The following TMCC1 variants were observed in gnomAD, a reference collection of about 807,000 sequenced individuals.
The protein encoded by TMCC1 is transmembrane and coiled-coil domain family 1.
TMCC1 carries 15 observed loss-of-function variants against 52.4 expected under a neutral mutation model. That is an observed-to-expected ratio of 0.29 (90% CI 0.19 to 0.44). The LOEUF is 0.44. TMCC1 is among the 20% of genes least tolerant of loss of function. The probability of loss-of-function intolerance (pLI) is 1.00; values close to 1 mark genes in which losing one functional copy is unlikely to be tolerated. For missense variants in TMCC1, 503 were observed against 806.0 expected, an observed-to-expected ratio of 0.62 and a Z score of 4.55; for synonymous variants, 279 against 301.9, an observed-to-expected ratio of 0.92 and a Z score of 0.79.
At chr3:129,875,610 T>C (rs1044256404) in intron 2 of TMCC1, among the ~76,000 whole-genome samples, 1 of 149,024 alleles carries the variant, frequency 6.7e-6, no homozygotes, top group African/African-American at 2.5e-5. Context: ...CACTAAAACA[T>C]AAACTCCATT....
At chr3:129,781,108 G>A (rs527349058) in intron 4 of TMCC1, among the ~76,000 whole-genome samples, 7 of 152,092 alleles carry the variant, frequency 4.6e-5, no homozygotes, top group Admixed American at 3.9e-4. Flanking sequence ...TACACCATGG[G>A]TTTTCTTCTA....
At chr3:129,875,694 TA>T (rs1305027413) in intron 2 of TMCC1, among the ~76,000 whole-genome samples, 79 of 152,114 alleles carry the variant, frequency 5.2e-4, no homozygotes, top group Non-Finnish European at 2.8e-4. Flanking sequence ...AAGCAATACA[TA>T]TTTTTTTTAA....
At chr3:129,716,272 C>T (rs535431377) in intron 4 of TMCC1, among the ~76,000 whole-genome samples, 1 of 149,640 alleles carries the variant, frequency 6.7e-6, no homozygotes, top group East Asian at 2.0e-4. Flanking sequence ...AAGCGAGTCT[C>T]CTGCCTCAGC....
intron 4 of TMCC1, among the ~76,000 whole-genome samples, chr3:129,702,041 G>A (rs1365847184): frequency 6.6e-6 from 1 of 152,096 alleles, no homozygotes; most frequent in Non-Finnish European, 1.5e-5. Flanking sequence ...AAATAGTATA[G>A]AATAGTGGTC....
At chr3:129,752,076 C>T (rs2052577981) in intron 4 of TMCC1, among the ~76,000 whole-genome samples, 1 of 152,178 alleles carries the variant, frequency 6.6e-6, no homozygotes, top group East Asian at 1.9e-4. Flanking sequence ...AATGCTTATA[C>T]TATGAAAGGA....
At chr3:129,793,693 T>C (rs990306608) in intron 4 of TMCC1, among the ~76,000 whole-genome samples, 2 of 152,324 alleles carry the variant, frequency 1.3e-5, no homozygotes, top group Non-Finnish European at 1.5e-5. Context: ...TTCACCTTTT[T>C]ACTATTTTAA....
chr3:129,789,920 T>TA (rs1221073258), intron 4 of TMCC1, among the ~76,000 whole-genome samples: 3 of 152,090 alleles, frequency 2.0e-5, no homozygotes, highest in Admixed American at 2.0e-4. Flanking sequence ...ATAATTTCAA[T>TA]AAAATCAACA....
intron 2 of TMCC1, among the ~76,000 whole-genome samples, chr3:129,842,711 T>C (rs1008519030): frequency 3.9e-5 from 6 of 152,096 alleles, no homozygotes; most frequent in Non-Finnish European, 5.9e-5. Flanking sequence ...CAGACCATAA[T>C]AGAATAAAAC....
chr3:129,659,846 T>A (rs527430368), intron 5 of TMCC1, among the ~76,000 whole-genome samples: 1 of 152,160 alleles, frequency 6.6e-6, no homozygotes, highest in Admixed American at 6.5e-5. Flanking sequence ...AAATCCCAGC[T>A]CTGCAACTCG....
chr3:129,885,635 A>G (rs150789881), intron 1 of TMCC1, among the ~76,000 whole-genome samples: 2,718 of 152,308 alleles, frequency 0.018, 37 homozygotes, highest in Non-Finnish European at 0.021. Flanking sequence ...ATTATAGTTC[A>G]AACCTGAGGG....
At chr3:129,870,361 T>C (rs1435931276) in intron 2 of TMCC1, among the ~76,000 whole-genome samples, 1 of 152,180 alleles carries the variant, frequency 6.6e-6, no homozygotes, top group Non-Finnish European at 1.5e-5. Context: ...TTACAACTTC[T>C]GAATATATTT....
chr3:129,681,922 T>G (rs2089025682), intron 4 of TMCC1, among the ~76,000 whole-genome samples: 1 of 150,480 alleles, frequency 6.6e-6, no homozygotes, highest in Non-Finnish European at 1.5e-5. Flanking sequence ...AAAAAAAAAT[T>G]TTTAATTAAA....
At chr3:129,740,996 C>G (rs1043906853) in intron 4 of TMCC1, among the ~76,000 whole-genome samples, 2 of 152,126 alleles carry the variant, frequency 1.3e-5, no homozygotes, top group African/African-American at 4.8e-5. Flanking sequence ...GGACTCATTG[C>G]CCCTTTGGAA....
intron 4 of TMCC1, among the ~76,000 whole-genome samples, chr3:129,821,060 GT>G (rs1181039594): frequency 6.6e-6 from 1 of 152,074 alleles, no homozygotes; most frequent in Non-Finnish European, 1.5e-5. Flanking sequence ...AACTGTTCAA[GT>G]TTTTTTCTTA....
chr3:129,678,478 A>G (rs1210473674), intron 4 of TMCC1, among the ~76,000 whole-genome samples: 1 of 146,506 alleles, frequency 6.8e-6, no homozygotes, highest in Non-Finnish European at 1.5e-5. Flanking sequence ...CTTCTGCCTC[A>G]GCCTCCCGAG....
chr3:129,777,725 C>T (rs190314098), intron 4 of TMCC1, among the ~76,000 whole-genome samples: 151 of 152,278 alleles, frequency 9.9e-4, no homozygotes, highest in African/African-American at 3.4e-3. Context: ...ATTAATTATA[C>T]CCTTTGGTTA....
chr3:129,713,642 G>A (rs1274638260), intron 4 of TMCC1, among the ~76,000 whole-genome samples: 1 of 147,576 alleles, frequency 6.8e-6, no homozygotes. Context: ...GAGCCCAGGA[G>A]TTCAAGGCTG....
At chr3:129,653,923 A>G (rs974314780) in intron 6 of TMCC1, among the ~76,000 whole-genome samples, 5 of 152,178 alleles carry the variant, frequency 3.3e-5, no homozygotes, top group Admixed American at 3.3e-4. Flanking sequence ...TACATTAATG[A>G]GTCTAATGTT....
chr3:129,706,767 G>A (rs2048278083), intron 4 of TMCC1, among the ~76,000 whole-genome samples: 1 of 152,110 alleles, frequency 6.6e-6, no homozygotes, highest in Admixed American at 6.6e-5. Context: ...GTCTATACAA[G>A]ACAAAGTCAT....
Sources: gnomAD v4.1 joint callset for allele counts (sites outside exome capture counted in the v4.1 genomes callset) on GRCh38, gnomAD v4.1.1 for gene constraint, MANE v1.5 for transcripts, NCBI Gene and HGNC (gene_info 2026-07-23, HGNC 2026-07-21) for gene names.